The following MACF1 variants were observed in gnomAD, a reference collection of about 807,000 sequenced individuals.
MACF1 encodes the protein microtubule-actin cross-linking factor 1.
Under a neutral mutation model 854.8 loss-of-function variants are expected in MACF1, and 193 were observed. That is an observed-to-expected ratio of 0.23 (90% CI 0.20 to 0.25). The LOEUF (loss-of-function observed/expected upper bound fraction) is 0.25, where lower values mean the gene tolerates loss of function less well. Ranked by LOEUF, MACF1 falls within the 10% of genes least tolerant of loss-of-function variation. The probability of loss-of-function intolerance (pLI) is 1.00; values close to 1 mark genes in which losing one functional copy is unlikely to be tolerated. For synonymous variants in MACF1, 3,185 were observed against 3,226.7 expected (o/e 0.99, Z 0.44); for missense variants, 7,722 against 8,929.1 (o/e 0.86, Z 5.45).
intron 26 of MACF1, among the ~76,000 whole-genome samples, chr1:39,314,124 A>G (rs1473210588): frequency 2.6e-5 from 4 of 152,162 alleles, no homozygotes; most frequent in East Asian, 3.9e-4. Flanking sequence ...GCTAGAAAAC[A>G]TAGGCCGGGT....
chr1:39,257,218 C>T lies in MACF1; in HGVS notation c.436-718C>T, dbSNP rs150296107. On this transcript the variant is annotated intron_variant, in intron 5 of 100. Transcript: ENST00000564288. ...AGCATATCTCTATAATGGAATACTA[C>T]TCAGCGATCAAAAGGAGCAAACTGT... 3.3e-4 allele frequency among the ~76,000 whole-genome samples: 50 copies of T among 152,312 alleles called. No homozygotes were observed. In the East Asian group the frequency reaches 8.1e-3, roughly 25 times the overall value.
At chr1:39,194,184 G>A (rs1644288638) in intron 2 of MACF1, among the ~76,000 whole-genome samples, 1 of 151,966 alleles carries the variant, frequency 6.6e-6, no homozygotes, top group African/African-American at 2.4e-5. Context: ...TTTATTTTCT[G>A]CCCCTCCTCT....
At chr1:39,465,045 C>CTT (rs566778389) in intron 94 of MACF1, 50 bp from the exon 95 acceptor site, 4 of 1,528,950 alleles carry the variant, frequency 2.6e-6, no homozygotes, top group Non-Finnish European at 3.6e-6. Flanking sequence ...AAAATGTTCT[C>CTT]TTTTTTTTTC....
intron 2 of MACF1, among the ~76,000 whole-genome samples, chr1:39,190,678 C>T (rs1177858083): frequency 6.6e-6 from 1 of 151,814 alleles, no homozygotes; most frequent in African/African-American, 2.4e-5. Context: ...TGATAAAAAT[C>T]AGGATCTTGA....
intron 2 of MACF1, among the ~76,000 whole-genome samples, chr1:39,237,092 T>G (rs1243290184): frequency 6.6e-6 from 1 of 152,262 alleles, no homozygotes; most frequent in Non-Finnish European, 1.5e-5. Flanking sequence ...CACTCTGTTT[T>G]TTGTAGCTTG....
intron 2 of MACF1, among the ~76,000 whole-genome samples, chr1:39,158,122 C>G (rs1382381755): frequency 1.3e-5 from 2 of 152,150 alleles, no homozygotes; most frequent in African/African-American, 4.8e-5. Flanking sequence ...GGATGGTCAT[C>G]TTTTTGAGGC....
intron 50 of MACF1, among the ~76,000 whole-genome samples, chr1:39,369,157 C>T (rs1649010203): frequency 6.6e-6 from 1 of 151,962 alleles, no homozygotes; most frequent in Non-Finnish European, 1.5e-5. Flanking sequence ...GTTTTGACCA[C>T]ATTTAAGTTG....
intron 2 of MACF1, among the ~76,000 whole-genome samples, chr1:39,136,803 C>T (rs1477380193): frequency 1.3e-5 from 2 of 151,960 alleles, no homozygotes; most frequent in Non-Finnish European, 2.9e-5. Flanking sequence ...AAAAAAGAAT[C>T]TATTTTAGAG....
chr1:39,413,202 C>T (rs570319082), intron 58 of MACF1: 1 of 1,613,476 alleles, frequency 6.2e-7, no homozygotes, highest in African/African-American at 1.3e-5. Flanking sequence ...CCCCAGCTAC[C>T]ACAGTGCATG....
In MACF1 at chr1:39,318,576, G is replaced by C. The variant is rs1371041075; in HGVS notation, c.3906G>C (p.Glu1302Asp). 2 of 1,613,742 alleles carry C rather than the reference G, an allele frequency of 1.2e-6. No individual in the cohort carries two copies. Among genetic ancestry groups the C allele is most frequent in the African/African-American group, 1.3e-5 (1 of 75,022 alleles). ...QQEMMKPGQA[E>D]DSRVLSEQLS... Reference sequence around the variant, plus strand: ...AAATGATGAAGCCAGGCCAGGCAGAGGATAGCAGAGTGCTTTCGGAGCAGC... The same window carrying C: ...AAATGATGAAGCCAGGCCAGGCAGACGATAGCAGAGTGCTTTCGGAGCAGC... The change falls in exon 30 of 101, where the codon GAG becomes GAC. Residue 1302 changes from glutamate to aspartate, a missense_variant. Transcript: ENST00000564288.
intron 2 of MACF1, among the ~76,000 whole-genome samples, chr1:39,097,038 G>C (rs535489611): frequency 1.3e-5 from 2 of 151,834 alleles, no homozygotes; most frequent in Non-Finnish European, 2.9e-5. Context: ...CACCACGCCC[G>C]GCTAATTTTT....
rs564072388 is a variant in MACF1, at chr1:39,291,990, G to A, written c.1866G>A (p.Thr622=). The A allele has an allele frequency of 3.1e-6, 5 of 1,614,050 alleles. No homozygotes were observed. Among genetic ancestry groups the A allele is most frequent in the East Asian group, 2.2e-5 (1 of 44,884 alleles). Residue 622 remains threonine (T), a synonymous_variant, in exon 16 of 101, where the codon ACG becomes ACA. Coordinates refer to ENST00000564288, the MANE Select transcript of MACF1 (RefSeq NM_001394062.1). ...LQLETQQHIH[T]SVEELGSSVK... ...TAGAAACACAGCAGCACATCCATAC[G>A]AGTGTAGAAGAGCTGGGCTCAAGTG...
intron 2 of MACF1, among the ~76,000 whole-genome samples, chr1:39,085,881 A>G (rs1008236605): frequency 6.6e-6 from 1 of 152,136 alleles, no homozygotes; most frequent in Non-Finnish European, 1.5e-5. Flanking sequence ...ATCTTGCAGG[A>G]TGAAACCACC....
chr1:39,472,960 G>A (rs150905158), intron 97 of MACF1, among the ~76,000 whole-genome samples: 8 of 152,296 alleles, frequency 5.3e-5, no homozygotes, highest in East Asian at 1.9e-4. Flanking sequence ...CCTATGTTGC[G>A]TGTCTTTGGC....
At chr1:39,225,339 C>T (rs1267612036) in intron 1 of MACF1, among the ~76,000 whole-genome samples, 1 of 150,546 alleles carries the variant, frequency 6.6e-6, no homozygotes, top group Non-Finnish European at 1.5e-5. Flanking sequence ...GCCTCAGCCT[C>T]CCGAGTAGCT....
chr1:39,094,198 A>G (rs916967457), intron 2 of MACF1, among the ~76,000 whole-genome samples: 2 of 151,682 alleles, frequency 1.3e-5, no homozygotes, highest in Admixed American at 6.6e-5. Context: ...TAATCCCAGC[A>G]TTTTGAGAGG....
chr1:39,113,933 G>A (rs574441340), intron 2 of MACF1, among the ~76,000 whole-genome samples: 1 of 152,166 alleles, frequency 6.6e-6, no homozygotes, highest in Admixed American at 6.5e-5. Context: ...CTACTTGGGA[G>A]GCTGAAGCAA....
At chr1:39,120,172 C>T (rs1557465627) in intron 2 of MACF1, among the ~76,000 whole-genome samples, 1 of 151,966 alleles carries the variant, frequency 6.6e-6, no homozygotes, top group African/African-American at 2.4e-5. Flanking sequence ...GCGTGAGCCA[C>T]CGCACCTGGC....
At chr1:39,297,307 A>G (rs750708842) in intron 20 of MACF1, among the ~76,000 whole-genome samples, 1 of 152,134 alleles carries the variant, frequency 6.6e-6, no homozygotes, top group Non-Finnish European at 1.5e-5. Flanking sequence ...TAGGTTTTTC[A>G]TGAAATACAC....
Sources: allele counts gnomAD v4.1 joint callset (sites outside exome capture counted in the v4.1 genomes callset), GRCh38; gene constraint gnomAD v4.1.1; transcripts MANE v1.5; gene names NCBI Gene and HGNC (gene_info 2026-07-23, HGNC 2026-07-21).